Variants in PPP2R3A observed in about 807,000 individuals in gnomAD.
PPP2R3A encodes protein phosphatase 2 regulatory subunit B''alpha, also known as serine/threonine-protein phosphatase 2A regulatory subunit B'' subunit alpha.
Under a neutral mutation model 106.9 loss-of-function variants are expected in PPP2R3A, and 80 were observed. The ratio of observed to expected loss-of-function variants is 0.75; its 90% CI spans 0.62 to 0.90. PPP2R3A has a LOEUF of 0.90. Among genes scored for constraint, PPP2R3A ranks in the 40% least tolerant of loss-of-function variants. The probability of loss-of-function intolerance (pLI) is 0.00; values close to 1 mark genes in which losing one functional copy is unlikely to be tolerated. For synonymous variants in PPP2R3A, 483 were observed against 468.3 expected (o/e 1.03, Z -0.41); for missense variants, 1,386 against 1,350.4 (o/e 1.03, Z -0.41).
At chr3:135,994,574 T>G (rs1159293110) in intron 1 of PPP2R3A, among the ~76,000 whole-genome samples, 1 of 152,210 alleles carries the variant, frequency 6.6e-6, no homozygotes. Context: ...CTGGTTTGCT[T>G]GTCATCAGTA....
At chr3:136,104,701 G>A (rs1937471975) in intron 12 of PPP2R3A, among the ~76,000 whole-genome samples, 1 of 152,208 alleles carries the variant, frequency 6.6e-6, no homozygotes, top group South Asian at 2.1e-4. Flanking sequence ...GAAGGATAGA[G>A]ATGGGGTCTT....
At chr3:136,029,495 T>C (rs939589852) in intron 3 of PPP2R3A, among the ~76,000 whole-genome samples, 4 of 151,954 alleles carry the variant, frequency 2.6e-5, no homozygotes, top group African/African-American at 7.3e-5. Flanking sequence ...AAGGGAGGTG[T>C]CAAAAAGAAT....
chr3:136,000,924 G>A, intron 1 of PPP2R3A, 135 bp from the exon 2 acceptor site: 1 of 378,112 alleles, frequency 2.6e-6, no homozygotes. Flanking sequence ...ACAAAGGCAT[G>A]AGTTGAATAT....
chr3:136,093,877 C>T (rs868120457), intron 10 of PPP2R3A, among the ~76,000 whole-genome samples: 2 of 152,156 alleles, frequency 1.3e-5, no homozygotes, highest in Non-Finnish European at 2.9e-5. Context: ...CTAGCAATTC[C>T]ACTCCTTAGG....
chr3:135,999,976 T>C (rs1166859294), intron 1 of PPP2R3A, among the ~76,000 whole-genome samples: 9 of 152,114 alleles, frequency 5.9e-5, no homozygotes, highest in Non-Finnish European at 1.2e-4. Flanking sequence ...TTGGTCACTT[T>C]GCCATTCTTT....
At chr3:136,023,667 A>C (rs1375061508) in intron 2 of PPP2R3A, among the ~76,000 whole-genome samples, 6 of 152,142 alleles carry the variant, frequency 3.9e-5, no homozygotes. Flanking sequence ...AATCCTGGTA[A>C]TCTTTTTTTA....
At chr3:136,110,874 A>G (rs1937581573) in intron 13 of PPP2R3A, among the ~76,000 whole-genome samples, 1 of 152,230 alleles carries the variant, frequency 6.6e-6, no homozygotes, top group African/African-American at 2.4e-5. Context: ...AATACGAAAG[A>G]TAGGAAAGGT....
At chr3:135,967,929 A>G (rs1937136455) in intron 1 of PPP2R3A, among the ~76,000 whole-genome samples, 1 of 152,324 alleles carries the variant, frequency 6.6e-6, no homozygotes, top group Non-Finnish European at 1.5e-5. Flanking sequence ...ACTGAGGAAT[A>G]GATACCAGTA....
chr3:135,986,324 A>G (rs1194767441), intron 1 of PPP2R3A, among the ~76,000 whole-genome samples: 8 of 152,054 alleles, frequency 5.3e-5, no homozygotes, highest in African/African-American at 1.9e-4. Context: ...AGTCACCATC[A>G]TCTCTCCCTT....
intron 13 of PPP2R3A, among the ~76,000 whole-genome samples, chr3:136,117,170 A>G (rs1206190105): frequency 6.6e-6 from 1 of 152,220 alleles, no homozygotes; most frequent in Admixed American, 6.6e-5. Context: ...GCAGAAATAA[A>G]GATGTTCTTT....
At chr3:136,096,945 G>A (rs1937229629) in intron 10 of PPP2R3A, among the ~76,000 whole-genome samples, 1 of 152,028 alleles carries the variant, frequency 6.6e-6, no homozygotes, top group Non-Finnish European at 1.5e-5. Context: ...CTCCAGCCTG[G>A]GTGACAGAGC....
At chr3:136,140,470 G>T (rs1269085265) in intron 13 of PPP2R3A, among the ~76,000 whole-genome samples, 1 of 144,802 alleles carries the variant, frequency 6.9e-6, no homozygotes, top group East Asian at 1.9e-4. Context: ...AAAAACCCGG[G>T]CTCAGTGGCT....
intron 1 of PPP2R3A, among the ~76,000 whole-genome samples, chr3:135,999,736 G>T (rs1051155577): frequency 1.3e-5 from 2 of 151,968 alleles, no homozygotes; most frequent in African/African-American, 4.8e-5. Flanking sequence ...AAGATGACTC[G>T]TGAAAAGTTC....
At chr3:136,107,250 A>G (rs1315264425) in intron 13 of PPP2R3A, among the ~76,000 whole-genome samples, 1 of 151,838 alleles carries the variant, frequency 6.6e-6, no homozygotes, top group Non-Finnish European at 1.5e-5. Flanking sequence ...TCATTAATGT[A>G]GTGTACTTTT....
chr3:136,077,133 G>A (rs1936624302), intron 6 of PPP2R3A, among the ~76,000 whole-genome samples: 2 of 152,126 alleles, frequency 1.3e-5, no homozygotes, highest in Admixed American at 1.3e-4. Context: ...GTCAGTCCCT[G>A]TCCTGGGGCC....
chr3:136,088,179 A>C (rs1229035334), intron 9 of PPP2R3A, among the ~76,000 whole-genome samples: 2 of 152,128 alleles, frequency 1.3e-5, no homozygotes, highest in African/African-American at 4.8e-5. Flanking sequence ...GATTTGGTGT[A>C]TGGAGGATCC....
intron 10 of PPP2R3A, among the ~76,000 whole-genome samples, chr3:136,098,404 C>G (rs2107960084): frequency 6.6e-6 from 1 of 152,350 alleles, no homozygotes; most frequent in African/African-American, 2.4e-5. Flanking sequence ...AAGGTACACA[C>G]AGATCTTAAT....
rs1935598950 is a variant in PPP2R3A, at chr3:136,049,485, G to A, written c.2469+124G>A. ...TCTAGATATCAGATTCTAGAAGAGT[G>A]GTTTTCAAACTTGTTTTAGCAGTAA... On this transcript the variant is annotated intron_variant, in intron 5 of 13. Coordinates refer to ENST00000264977, the MANE Select transcript of PPP2R3A (RefSeq NM_002718.5). 3 of 632,626 alleles carry A rather than the reference G, an allele frequency of 4.7e-6. No individual in the cohort carries two copies. The South Asian group carries it at 7.0e-5, about 15-fold the overall frequency. 39.2% of individuals were successfully genotyped at this position (632,626 alleles called of 1,614,324 possible). A position where few individuals can be genotyped will look rare whatever the true frequency, so the allele number is the denominator to read the frequency against.
intron 4 of PPP2R3A, among the ~76,000 whole-genome samples, chr3:136,044,440 C>T (rs1935400802): frequency 6.6e-6 from 1 of 151,812 alleles, no homozygotes; most frequent in Admixed American, 6.6e-5. Context: ...TACACCAAGC[C>T]ATGTGTGCTG....
Sources: allele counts gnomAD v4.1 joint callset (sites outside exome capture counted in the v4.1 genomes callset), GRCh38; gene constraint gnomAD v4.1.1; transcripts MANE v1.5; gene names NCBI Gene and HGNC (gene_info 2026-07-23, HGNC 2026-07-21).